The following SI variants were observed in gnomAD, a reference collection of about 807,000 sequenced individuals.
SI encodes the protein sucrase-isomaltase.
SI carries 235 observed loss-of-function variants against 253.3 expected under a neutral mutation model. The ratio of observed to expected loss-of-function variants is 0.93; its 90% confidence interval spans 0.83 to 1.03. SI has a LOEUF of 1.03. Among genes scored for constraint, SI ranks in the 50% least tolerant of loss-of-function variants. SI has a pLI of 0.00. For missense variants in SI, 2,442 were observed against 2,211.1 expected, an observed-to-expected ratio of 1.10 and a Z score of -2.09; for synonymous variants, 819 against 712.0, an observed-to-expected ratio of 1.15 and a Z score of -2.39.
intron 34 of SI, 45 bp downstream of exon 34, chr3:165,012,935 T>C (rs759770671): frequency 8.4e-7 from 1 of 1,196,248 alleles, no homozygotes; most frequent in Non-Finnish European, 1.3e-6. Flanking sequence ...CAAGTCTAAG[T>C]TTTGAATTTC....
chr3:165,069,462 A>C (rs1194866313), intron 3 of SI, among the ~76,000 whole-genome samples: 1 of 152,074 alleles, frequency 6.6e-6, no homozygotes, highest in Non-Finnish European at 1.5e-5. Context: ...AAGCTTATGT[A>C]TTTTAAAGGA....
chr3:165,041,663 C>G (rs548799915), intron 17 of SI, among the ~76,000 whole-genome samples: 1 of 152,088 alleles, frequency 6.6e-6, no homozygotes, highest in South Asian at 2.1e-4. Context: ...TGTAGACTTA[C>G]AATTTGTAGT....
chr3:165,063,420 T>C (rs1424787616), intron 8 of SI, 22 bp downstream of exon 8: 3 of 1,035,352 alleles, frequency 2.9e-6, no homozygotes, highest in Non-Finnish European at 4.5e-6. Context: ...TATAAATATA[T>C]TATCAAATGA....
Position 165,033,443 on chromosome 3 carries a change from A to G in SI, c.2517T>C (p.Asp839=), listed in dbSNP as rs778760506. 1 of 1,537,834 alleles carries G rather than the reference A, an allele frequency of 6.5e-7. No homozygotes were observed. The highest frequency in any genetic ancestry group is 8.8e-7 in the Non-Finnish European group (1 of 1,138,314). Residue 839 remains aspartate (D), a splice_region_variant and synonymous_variant, in exon 23 of 48, where the codon GAT becomes GAC. Transcript: ENST00000264382. ...ATATGTAGTTGCCATTTTGTATTGT[A>G]TCTGAAATGAAAAATATCGTGATCA... ...DFFWDDGETK[D]TIQNGNYILY...
At chr3:165,079,667 A>T (rs1715218134), upstream of SI, among the ~76,000 whole-genome samples, 1 of 151,660 alleles carries the variant, frequency 6.6e-6, no homozygotes, top group African/African-American at 2.4e-5. Context: ...TCACTAAATG[A>T]ACTCAAAGCT....
At position 165,053,822 on chromosome 3, in the gene SI, A is replaced by G. The variant is rs1468856433; in HGVS notation, c.1512+1372T>C. 2.0e-5 allele frequency among the ~76,000 whole-genome samples: 3 copies of G among 152,140 alleles called. No homozygotes were observed. The East Asian group carries it at 5.8e-4, about 29-fold the overall frequency. ...CTCCTAACTAAGAAAAAAATAAAAG[A>G]CTAAAGAAACTTTCAATATAGGTTA... On this transcript the variant is annotated intron_variant, in intron 13 of 47. Coordinates refer to ENST00000264382, the MANE Select transcript of SI (RefSeq NM_001041.4).
intron 34 of SI, 89 bp from the exon 35 acceptor site, chr3:165,009,484 G>A: frequency 5.1e-6 from 4 of 777,196 alleles, no homozygotes; most frequent in Non-Finnish European, 9.4e-6. Context: ...AGATCCACAA[G>A]TCATGTATGA....
intron 37 of SI, among the ~76,000 whole-genome samples, chr3:165,001,782 G>C (rs941625432): frequency 1.3e-5 from 2 of 151,238 alleles, no homozygotes; most frequent in African/African-American, 4.8e-5. Context: ...TACTGTGTTT[G>C]TTTTTTCATA....
At chr3:165,086,464 A>ATC in the SI span, among the ~76,000 whole-genome samples, 1 of 152,160 alleles carries the variant, frequency 6.6e-6, no homozygotes, top group African/African-American at 2.4e-5. Context: ...CATCTTTCAC[A>ATC]AATACAGAAT....
At chr3:165,042,299 C>T (rs914716372) in intron 17 of SI, among the ~76,000 whole-genome samples, 5 of 152,050 alleles carry the variant, frequency 3.3e-5, no homozygotes, top group Admixed American at 6.6e-5. Flanking sequence ...ATGCCTCCTT[C>T]CAGGCTGAGC....
At chr3:165,000,166 T>C (rs1718194236) in intron 37 of SI, among the ~76,000 whole-genome samples, 1 of 151,444 alleles carries the variant, frequency 6.6e-6, no homozygotes, top group Admixed American at 6.6e-5. Flanking sequence ...AGGACAGTGT[T>C]GTCACAAATT....
intron 33 of SI, among the ~76,000 whole-genome samples, chr3:165,014,781 T>A (rs1418118939): frequency 1.3e-5 from 2 of 152,258 alleles, no homozygotes; most frequent in African/African-American, 4.8e-5. Context: ...TATTAACATA[T>A]GTTTTCAAGA....
In SI at chr3:165,030,861, G is replaced by C. The variant is rs779989387; in HGVS notation, c.2743C>G (p.Leu915Val). Reference sequence around the variant, plus strand: ...AGATTAAGTTTGAGATCTGCAATTAGGAGAACCTTTGAAGACAAAAAAAAA... The same window carrying C: ...AGATTAAGTTTGAGATCTGCAATTACGAGAACCTTTGAAGACAAAAAAAAA... ...FTYDASNQVL[L>V]IADLKLNLGR... The change falls in exon 25 of 48, where the codon CTA becomes GTA. Residue 915 changes from leucine (L) to valine (V), a missense_variant. Transcript: ENST00000264382. 6.6e-7 allele frequency: 1 copy of C among 1,510,520 alleles called. No homozygotes were observed. The highest frequency in any genetic ancestry group is 1.3e-5 in the South Asian group (1 of 79,134). 93.6% of individuals were successfully genotyped at this position (1,510,520 alleles called of 1,614,324 possible). A position where few individuals can be genotyped will look rare whatever the true frequency, so the allele number is the denominator to read the frequency against.
chr3:165,029,501 T>C (rs1712108323), intron 25 of SI, among the ~76,000 whole-genome samples: 1 of 148,696 alleles, frequency 6.7e-6, no homozygotes, highest in Non-Finnish European at 1.5e-5. Context: ...AGCAGCACAA[T>C]TGCAATTGCA....
chr3:165,026,065 CAACT>C (rs553048306), intron 25 of SI, among the ~76,000 whole-genome samples: 62 of 151,336 alleles, frequency 4.1e-4, no homozygotes, highest in East Asian at 1.6e-3. Context: ...ATTCACCAAC[CAACT>C]ATCTGCTGCC....
At chr3:165,030,221 C>T (rs1475183201) in intron 25 of SI, among the ~76,000 whole-genome samples, 2 of 150,788 alleles carry the variant, frequency 1.3e-5, no homozygotes, top group African/African-American at 4.9e-5. Context: ...GGTAAAAACA[C>T]CTGCCATCCT....
intron 6 of SI, among the ~76,000 whole-genome samples, chr3:165,066,761 A>G (rs1217442580): frequency 2.6e-5 from 4 of 151,974 alleles, no homozygotes; most frequent in African/African-American, 9.7e-5. Flanking sequence ...AAAAGTACTA[A>G]GATACATTTA....
At chr3:164,998,762 G>T (rs1261909922) in intron 37 of SI, 89 bp from the exon 38 acceptor site, 1 of 1,050,984 alleles carries the variant, frequency 9.5e-7, no homozygotes, top group East Asian at 2.4e-5. Context: ...AAAAAAAATA[G>T]TGATTTGTGG....
At chr3:164,987,254 C>G in intron 44 of SI, 28 bp from the exon 45 acceptor site, 3 of 1,578,448 alleles carry the variant, frequency 1.9e-6, no homozygotes, top group Non-Finnish European at 2.6e-6. Context: ...ATAATTTTAC[C>G]CATGTTTGTA....
Sources: gnomAD v4.1 joint callset for allele counts (sites outside exome capture counted in the v4.1 genomes callset) on GRCh38, gnomAD v4.1.1 for gene constraint, MANE v1.5 for transcripts, NCBI Gene and HGNC (gene_info 2026-07-23, HGNC 2026-07-21) for gene names.